Variants in STON1 observed in about 807,000 individuals in gnomAD.
STON1 encodes stonin-1.
STON1 carries 79 observed loss-of-function variants against 60.9 expected under a neutral mutation model. That is an observed-to-expected ratio of 1.30 (90% confidence interval 1.08 to 1.56). The LOEUF is 1.56. Ranked by LOEUF, STON1 falls within the 40% of genes most tolerant of loss-of-function variation. STON1 has a pLI of 0.00. For synonymous variants in STON1, 363 were observed against 306.9 expected, an observed-to-expected ratio of 1.18 and a Z score of -1.91; for missense variants, 1,166 against 858.9, an observed-to-expected ratio of 1.36 and a Z score of -4.47.
rs1327963531 is a variant in STON1 at position 48,530,180 on chromosome 2, G to A, written c.-84G>A. 1.3e-5 allele frequency: 5 copies of A among 395,500 alleles called. No individual in the cohort carries two copies. The East Asian group carries it at 2.2e-4, about 17-fold the overall frequency. The allele number at this position is 395,500 out of a possible 1,614,324, so 24.5% of individuals were successfully genotyped here. ...TCTTCCTCCGCCTCCTGGTGTGGCT[G>A]GCTGCGGCCAGAATCGGAGCCCCAA... is the stretch of plus-strand genomic sequence containing the variant. On this transcript the variant is annotated 5_prime_UTR_variant, in exon 1 of 4. Transcript: ENST00000404752.
At chr2:48,567,083 G>A (rs1232647832) in intron 1 of STON1, among the ~76,000 whole-genome samples, 1 of 152,224 alleles carries the variant, frequency 6.6e-6, no homozygotes, top group Non-Finnish European at 1.5e-5. Flanking sequence ...GGGAGGGGCA[G>A]TGTTAGGGAA....
chr2:48,560,290 G>C (rs1444815607), intron 1 of STON1, among the ~76,000 whole-genome samples: 1 of 152,192 alleles, frequency 6.6e-6, no homozygotes, highest in Admixed American at 6.5e-5. Flanking sequence ...ACGCTCTTCA[G>C]CTAACTTGAT....
chr2:48,573,560 C>T (rs933127211), intron 1 of STON1, among the ~76,000 whole-genome samples: 4 of 152,004 alleles, frequency 2.6e-5, no homozygotes, highest in African/African-American at 9.7e-5. Flanking sequence ...CCAAGCCCCA[C>T]ATCAGTGTTG....
At chr2:48,573,211 T>G (rs1455601731) in intron 1 of STON1, among the ~76,000 whole-genome samples, 1 of 152,196 alleles carries the variant, frequency 6.6e-6, no homozygotes, top group African/African-American at 2.4e-5. Context: ...CTCAGGGACT[T>G]TCATTTTCTG....
chr2:48,545,545 C>A (rs1223317924), intron 1 of STON1, among the ~76,000 whole-genome samples: 1 of 152,196 alleles, frequency 6.6e-6, no homozygotes, highest in Non-Finnish European at 1.5e-5. Context: ...CTCAGTCACT[C>A]TCTGCCTTTG....
intron 3 of STON1, among the ~76,000 whole-genome samples, chr2:48,594,005 A>T (rs1296703733): frequency 6.6e-6 from 1 of 152,116 alleles, no homozygotes; most frequent in African/African-American, 2.4e-5. Context: ...GCCCCTTTGC[A>T]TCAACTTGGG....
At chr2:48,549,915 G>A (rs917233774) in intron 1 of STON1, among the ~76,000 whole-genome samples, 4 of 151,500 alleles carry the variant, frequency 2.6e-5, no homozygotes, top group Admixed American at 6.6e-5. Flanking sequence ...ACCGACTCTT[G>A]TCCTCAACAT....
chr2:48,591,753 G>A lies in STON1; in HGVS notation c.2031G>A (p.Val677=). 6.2e-7 allele frequency: 1 copy of A among 1,614,118 alleles called. No homozygotes were observed. Among genetic ancestry groups the A allele is most frequent in the South Asian group, 1.1e-5 (1 of 91,080 alleles). Residue 677 remains valine, a synonymous_variant, in exon 3 of 4, where the codon GTG becomes GTA. Transcript: ENST00000404752. ...WYPFATVQFS[V]PDTCASRTEV... is the part of the protein sequence containing the mutation. ...CATTTGCTACTGTTCAGTTTTCCGT[G>A]CCTGACACCTGTGCCTCAAGGACAG...
chr2:48,590,918 A>AT (rs1256345335), intron 2 of STON1, among the ~76,000 whole-genome samples: 1 of 152,204 alleles, frequency 6.6e-6, no homozygotes, highest in East Asian at 1.9e-4. Context: ...GGCCTGGAAC[A>AT]TTTTCTGAAA....
intron 1 of STON1, among the ~76,000 whole-genome samples, chr2:48,554,049 T>G (rs944024453): frequency 3.3e-5 from 5 of 152,042 alleles, no homozygotes; most frequent in African/African-American, 1.2e-4. Context: ...GAACCCTGGG[T>G]GGTGTCCAGT....
At chr2:48,533,825 A>G (rs1035066337) in intron 1 of STON1, among the ~76,000 whole-genome samples, 3 of 148,812 alleles carry the variant, frequency 2.0e-5, no homozygotes, top group African/African-American at 7.5e-5. Context: ...GCTGGAGTGC[A>G]ATGGCGTGAT....
intron 1 of STON1, among the ~76,000 whole-genome samples, chr2:48,535,509 T>C (rs1419349650): frequency 6.6e-6 from 1 of 152,092 alleles, no homozygotes; most frequent in African/African-American, 2.4e-5. Flanking sequence ...GGATCAGCAT[T>C]CTTAGAGCCC....
intron 1 of STON1, among the ~76,000 whole-genome samples, chr2:48,566,443 C>T (rs562060595): frequency 3.1e-4 from 47 of 150,136 alleles, no homozygotes; most frequent in South Asian, 8.4e-4. Flanking sequence ...CCACCATGCC[C>T]GGCTAATTTT....
chr2:48,554,664 T>C (rs1672237167), intron 1 of STON1, among the ~76,000 whole-genome samples: 1 of 152,160 alleles, frequency 6.6e-6, no homozygotes, highest in Non-Finnish European at 1.5e-5. Flanking sequence ...CATCCAGTCA[T>C]TGGCTCCCAC....
chr2:48,564,950 C>T (rs927888683), intron 1 of STON1, among the ~76,000 whole-genome samples: 5 of 146,620 alleles, frequency 3.4e-5, no homozygotes, highest in Non-Finnish European at 7.5e-5. Flanking sequence ...GCAGGATGGT[C>T]TTGAACTCCT....
intron 1 of STON1, among the ~76,000 whole-genome samples, chr2:48,548,432 C>T (rs1044702209): frequency 3.3e-5 from 5 of 152,124 alleles, no homozygotes; most frequent in African/African-American, 4.8e-5. Context: ...TCTCAAGAGC[C>T]TCATACTTTA....
At chr2:48,577,353 T>A (rs1673573888) in intron 1 of STON1, among the ~76,000 whole-genome samples, 1 of 151,796 alleles carries the variant, frequency 6.6e-6, no homozygotes, top group African/African-American at 2.4e-5. Context: ...GAGGCCGAGG[T>A]GGGCAGATCA....
intron 1 of STON1, among the ~76,000 whole-genome samples, chr2:48,564,508 TTC>T (rs1672808820): frequency 3.4e-5 from 1 of 29,162 alleles, no homozygotes; most frequent in Non-Finnish European, 6.4e-5. Context: ...CTTCTTCTTC[TTC>T]TTCTTCTTCT....
chr2:48,593,798 C>T (rs1572653975), intron 3 of STON1, among the ~76,000 whole-genome samples: 1 of 152,140 alleles, frequency 6.6e-6, no homozygotes, highest in Admixed American at 6.5e-5. Flanking sequence ...TTATTTTGGA[C>T]TATCTGTTTA....
Sources: allele counts gnomAD v4.1 joint callset (sites outside exome capture counted in the v4.1 genomes callset), GRCh38; gene constraint gnomAD v4.1.1; transcripts MANE v1.5; gene names NCBI Gene and HGNC (gene_info 2026-07-23, HGNC 2026-07-21).